SYCP1: variants seen among roughly 807,000 people sequenced by gnomAD.
SYCP1 encodes cancer/testis antigen 8.
SYCP1 carries 64 observed loss-of-function variants against 153.1 expected under a neutral mutation model. That is an observed-to-expected ratio of 0.42 (90% CI 0.34 to 0.51). SYCP1 has a LOEUF of 0.51. Among genes scored for constraint, SYCP1 ranks in the 20% least tolerant of loss-of-function variants. The pLI, the probability that SYCP1 is intolerant of heterozygous loss-of-function variation, is 0.06. For synonymous variants in SYCP1, 384 were observed against 341.8 expected, an observed-to-expected ratio of 1.12 and a Z score of -1.36; for missense variants, 997 against 1,049.0, an observed-to-expected ratio of 0.95 and a Z score of 0.68.
intron 12 of SYCP1, among the ~76,000 whole-genome samples, chr1:114,882,768 A>C (rs1666044086): frequency 6.6e-6 from 1 of 152,060 alleles, no homozygotes; most frequent in African/African-American, 2.4e-5. Flanking sequence ...CATGCACATG[A>C]TATTTCTATC....
intron 12 of SYCP1, among the ~76,000 whole-genome samples, chr1:114,885,232 C>T (rs1387540914): frequency 6.6e-6 from 1 of 151,864 alleles, no homozygotes; most frequent in African/African-American, 2.4e-5. Flanking sequence ...CATGGTATAC[C>T]ATCCCATATA....
intron 12 of SYCP1, among the ~76,000 whole-genome samples, chr1:114,881,216 G>T (rs1353826839): frequency 6.6e-6 from 1 of 151,908 alleles, no homozygotes; most frequent in Non-Finnish European, 1.5e-5. Context: ...GTTTTGTACA[G>T]ACAATATTTA....
chr1:114,855,870 A>G (rs901596269), intron 2 of SYCP1, among the ~76,000 whole-genome samples: 18 of 152,180 alleles, frequency 1.2e-4, no homozygotes, highest in African/African-American at 3.9e-4. Flanking sequence ...ACTACGAGAT[A>G]GTAGAATATG....
At chr1:114,917,842 T>C (rs1401643484) in intron 20 of SYCP1, among the ~76,000 whole-genome samples, 1 of 152,128 alleles carries the variant, frequency 6.6e-6, no homozygotes, top group African/African-American at 2.4e-5. Flanking sequence ...ATTAGACTTA[T>C]TCCCATAGAG....
At position 114,901,086 on chromosome 1, in the gene SYCP1, T is replaced by C. The variant is rs543493077; in HGVS notation, c.1320+5577T>C. Among the ~76,000 whole-genome samples, 4 of 152,282 alleles carry C rather than the reference T, an allele frequency of 2.6e-5. 1 individual carries two copies. In the South Asian group the frequency reaches 8.3e-4, roughly 32 times the overall value. ...GCTCTTTTTAGAGACATCACACATATGTAACTACATAGGCAGAAGAAACCC... is the reference window on the plus strand; with the variant it reads ...GCTCTTTTTAGAGACATCACACATACGTAACTACATAGGCAGAAGAAACCC... On this transcript the variant is annotated intron_variant, in intron 16 of 31. Coordinates refer to ENST00000369522, the MANE Select transcript of SYCP1 (RefSeq NM_003176.4).
chr1:114,898,313 T>A (rs1667194017), intron 16 of SYCP1, among the ~76,000 whole-genome samples: 2 of 152,326 alleles, frequency 1.3e-5, no homozygotes, highest in Admixed American at 1.3e-4. Flanking sequence ...CTGGTGGCTA[T>A]CATTATGCTT....
intron 15 of SYCP1, among the ~76,000 whole-genome samples, chr1:114,892,291 C>T (rs1666761329): frequency 6.6e-6 from 1 of 152,038 alleles, no homozygotes. Flanking sequence ...AGTGCTGCAG[C>T]AGTTGTGGTG....
intron 14 of SYCP1, 80 bp downstream of exon 14, chr1:114,886,389 G>T (rs567111503): frequency 8.0e-7 from 1 of 1,244,042 alleles, no homozygotes; most frequent in Admixed American, 3.0e-5. Context: ...CATTTTCTTT[G>T]CATTGCCAAC....
intron 8 of SYCP1, among the ~76,000 whole-genome samples, chr1:114,865,417 T>C (rs1403266540): frequency 1.3e-5 from 2 of 152,238 alleles, no homozygotes; most frequent in African/African-American, 4.8e-5. Context: ...TATTTGTTTA[T>C]TTTCTAACAG....
chr1:114,886,945 G>T (rs948276973), intron 14 of SYCP1, among the ~76,000 whole-genome samples: 1 of 151,852 alleles, frequency 6.6e-6, no homozygotes, highest in African/African-American at 2.4e-5. Flanking sequence ...ATATAAAGCT[G>T]TGTTAGGAGG....
intron 16 of SYCP1, among the ~76,000 whole-genome samples, chr1:114,903,966 T>C (rs1284260584): frequency 6.6e-6 from 1 of 152,210 alleles, no homozygotes; most frequent in Non-Finnish European, 1.5e-5. Flanking sequence ...CATTTGCCAA[T>C]ATTGCAGTGT....
intron 27 of SYCP1, among the ~76,000 whole-genome samples, chr1:114,964,342 T>C (rs1671969985): frequency 6.6e-6 from 1 of 152,224 alleles, no homozygotes; most frequent in South Asian, 2.1e-4. Flanking sequence ...ACTCTGATGA[T>C]AGTTTCTTTG....
At chr1:114,854,187 A>C (rs551521974), upstream of SYCP1, among the ~76,000 whole-genome samples, 2 of 151,626 alleles carry the variant, frequency 1.3e-5, no homozygotes, top group Non-Finnish European at 2.9e-5. Context: ...TCTGTTGCCC[A>C]GACTGGAGCC....
At chr1:114,868,884 G>A (rs958987315) in intron 8 of SYCP1, among the ~76,000 whole-genome samples, 2 of 152,096 alleles carry the variant, frequency 1.3e-5, no homozygotes, top group African/African-American at 4.8e-5. Flanking sequence ...GGTTTGTAGT[G>A]ATGTCTCCTT....
chr1:114,968,864 G>A (rs546567794), intron 27 of SYCP1, among the ~76,000 whole-genome samples: 21 of 152,252 alleles, frequency 1.4e-4, no homozygotes, highest in South Asian at 4.1e-4. Flanking sequence ...GGGTTTTTGC[G>A]TGGGCATCCT....
chr1:114,976,143 A>C (rs1672779085), intron 27 of SYCP1, among the ~76,000 whole-genome samples: 1 of 151,840 alleles, frequency 6.6e-6, no homozygotes, highest in Non-Finnish European at 1.5e-5. Context: ...CTTGGTGCAC[A>C]AGATAGTAGG....
In SYCP1 at chr1:114,923,507, A is replaced by G; in HGVS notation, c.1777A>G (p.Lys593Glu). Reference sequence around the variant, plus strand: ...ACAGAAAAGAGATGAAGTTAAATGTAAATTGGACAAGAGTGAAGAAAATGT... The same window carrying G: ...ACAGAAAAGAGATGAAGTTAAATGTGAATTGGACAAGAGTGAAGAAAATGT... ...LKQKRDEVKC[K>E]LDKSEENCNN... The change falls in exon 21 of 32, where the codon AAA becomes GAA. Residue 593 changes from lysine (K) to glutamate (E), a missense_variant. Transcript: ENST00000369522. 2 of 1,591,312 alleles carry G rather than the reference A, an allele frequency of 1.3e-6. No individual in the cohort carries two copies. The highest frequency in any genetic ancestry group is 1.7e-6 in the Non-Finnish European group (2 of 1,165,822).
chr1:114,959,983 T>C (rs115604055), intron 27 of SYCP1, among the ~76,000 whole-genome samples: 171 of 152,240 alleles, frequency 1.1e-3, no homozygotes, highest in Middle Eastern at 3.4e-3. Flanking sequence ...CTTTACCCAG[T>C]CATCAGGTGA....
At chr1:114,962,664 T>G (rs1671855406) in intron 27 of SYCP1, among the ~76,000 whole-genome samples, 1 of 152,206 alleles carries the variant, frequency 6.6e-6, no homozygotes, top group Non-Finnish European at 1.5e-5. Context: ...CCATTTACAT[T>G]CAACATTAGT....
Sources: allele counts gnomAD v4.1 joint callset (sites outside exome capture counted in the v4.1 genomes callset), GRCh38; gene constraint gnomAD v4.1.1; transcripts MANE v1.5; gene names NCBI Gene and HGNC (gene_info 2026-07-23, HGNC 2026-07-21).